CDH20: variants seen among roughly 807,000 people sequenced by gnomAD.
The protein encoded by CDH20 is cadherin-20.
Under a neutral mutation model 74.2 loss-of-function variants are expected in CDH20, and 29 were observed. The observed-to-expected ratio is 0.39, with a 90% CI of 0.29 to 0.53. The LOEUF is 0.53. CDH20 is among the 20% of genes least tolerant of loss of function. CDH20 has a pLI of 0.69. For synonymous variants in CDH20, 469 were observed against 405.4 expected (o/e 1.16, Z -1.88); for missense variants, 988 against 1,048.3 (o/e 0.94, Z 0.79).
At chr18:61,360,499 G>T (rs1187333161) in intron 1 of CDH20, among the ~76,000 whole-genome samples, 2 of 152,160 alleles carry the variant, frequency 1.3e-5, no homozygotes, top group Non-Finnish European at 2.9e-5. Context: ...CCCATGTTAA[G>T]TGTGTAAAGG....
At chr18:61,481,611 T>G (rs992036867) in intron 1 of CDH20, among the ~76,000 whole-genome samples, 1 of 152,252 alleles carries the variant, frequency 6.6e-6, no homozygotes, top group Admixed American at 6.5e-5. Context: ...AGGCAAATTT[T>G]TCTTTTTCTT....
intron 1 of CDH20, among the ~76,000 whole-genome samples, chr18:61,450,230 A>G (rs1262694581): frequency 6.6e-6 from 1 of 151,956 alleles, no homozygotes; most frequent in African/African-American, 2.4e-5. Flanking sequence ...AGAACATTTA[A>G]ATAACTGGTT....
In CDH20 at chr18:61,431,580, G is replaced by A. The variant is rs572193230; in HGVS notation, c.-152-58822G>A. On this transcript the variant is annotated intron_variant, in intron 1 of 11. Transcript: ENST00000262717. ...TCTGTAACATCCTTGCAACTTTTCT[G>A]TAAATCTAAAATGAAAAGTGCATAT... 1.9e-3 allele frequency among the ~76,000 whole-genome samples: 287 copies of A among 152,176 alleles called. 1 individual carries two copies. The highest frequency in any genetic ancestry group is 6.4e-3 in the African/African-American group (265 of 41,538).
intron 9 of CDH20, among the ~76,000 whole-genome samples, chr18:61,541,041 G>A (rs1599157918): frequency 6.6e-6 from 1 of 152,066 alleles, no homozygotes; most frequent in African/African-American, 2.4e-5. Context: ...GACCTGAAAT[G>A]TTATGCAGCC....
At chr18:61,425,018 C>T (rs1012644413) in intron 1 of CDH20, among the ~76,000 whole-genome samples, 1 of 139,060 alleles carries the variant, frequency 7.2e-6, no homozygotes, top group Non-Finnish European at 1.6e-5. Context: ...GTTCCTCTCC[C>T]TCTCTCTCCC....
intron 1 of CDH20, among the ~76,000 whole-genome samples, chr18:61,407,018 C>A (rs957086556): frequency 6.6e-6 from 1 of 152,188 alleles, no homozygotes; most frequent in African/African-American, 2.4e-5. Flanking sequence ...GTGGTACATA[C>A]TTGCCATCAA....
intron 1 of CDH20, among the ~76,000 whole-genome samples, chr18:61,470,737 T>C (rs558011116): frequency 1.3e-4 from 20 of 152,312 alleles, no homozygotes; most frequent in African/African-American, 4.1e-4. Context: ...TGATATAATA[T>C]GGGTATATAC....
At chr18:61,461,637 G>A (rs570525537) in intron 1 of CDH20, among the ~76,000 whole-genome samples, 165 of 152,212 alleles carry the variant, frequency 1.1e-3, no homozygotes, top group African/African-American at 3.8e-3. Context: ...CAAATAATTG[G>A]ACAAAATGCA....
At chr18:61,518,385 C>A (rs1195366144) in intron 6 of CDH20, among the ~76,000 whole-genome samples, 1 of 152,168 alleles carries the variant, frequency 6.6e-6, no homozygotes, top group Non-Finnish European at 1.5e-5. Context: ...TGGCATCCAG[C>A]AGGTGCCCCT....
intron 1 of CDH20, among the ~76,000 whole-genome samples, chr18:61,470,736 A>G (rs1360208361): frequency 2.6e-5 from 4 of 152,322 alleles, no homozygotes; most frequent in African/African-American, 9.6e-5. Context: ...CTGATATAAT[A>G]TGGGTATATA....
chr18:61,409,191 T>TA (rs1912419312), intron 1 of CDH20, among the ~76,000 whole-genome samples: 1 of 152,232 alleles, frequency 6.6e-6, no homozygotes, highest in African/African-American at 2.4e-5. Flanking sequence ...TTTTCATTAA[T>TA]ACATGATTTT....
intron 1 of CDH20, among the ~76,000 whole-genome samples, chr18:61,334,965 T>A (rs1909709186): frequency 6.6e-6 from 1 of 152,156 alleles, no homozygotes; most frequent in African/African-American, 2.4e-5. Context: ...CTCCAGTCTC[T>A]GATGTGTGTC....
intron 6 of CDH20, among the ~76,000 whole-genome samples, chr18:61,518,722 G>T (rs1912091201): frequency 6.6e-6 from 1 of 151,176 alleles, no homozygotes; most frequent in African/African-American, 2.5e-5. Flanking sequence ...TTCTCCAAAG[G>T]ATCACAACTC....
intron 1 of CDH20, among the ~76,000 whole-genome samples, chr18:61,450,412 A>G (rs1010283664): frequency 1.3e-5 from 2 of 151,222 alleles, no homozygotes; most frequent in African/African-American, 2.4e-5. Flanking sequence ...AAAACTTTTT[A>G]CTTTTTACCA....
rs752583729 is a variant in CDH20 at position 61,490,514 on chromosome 18, C to T, written c.-40C>T. ...TTGGAAAATACTCAAGTTCCAGTTG[C>T]TTATCATTCTCCTTCATTTTCTGAA... On this transcript the variant is annotated 5_prime_UTR_variant, in exon 2 of 12. Coordinates refer to ENST00000262717, the MANE Select transcript of CDH20 (RefSeq NM_031891.4). 1.9e-6 allele frequency: 3 copies of T among 1,596,972 alleles called. No individual in the cohort carries two copies. The highest frequency in any genetic ancestry group is 2.6e-6 in the Non-Finnish European group (3 of 1,166,764).
At chr18:61,380,948 T>C (rs1568118203) in intron 1 of CDH20, among the ~76,000 whole-genome samples, 1 of 152,232 alleles carries the variant, frequency 6.6e-6, no homozygotes, top group Non-Finnish European at 1.5e-5. Context: ...AGAAAGCATA[T>C]AGCCATACTT....
In CDH20 at chr18:61,555,170, A is replaced by G. The variant is rs553239368; in HGVS notation, c.*475A>G. On this transcript the variant is annotated 3_prime_UTR_variant, in exon 12 of 12. Transcript: ENST00000262717. ...CACAGAAACCAACCCACAAGAAAGA[A>G]CAAAAAACTTGTTACTCAGTGAAAT... 25 of 990,156 alleles carry G rather than the reference A, an allele frequency of 2.5e-5. No individual in the cohort carries two copies. In the African/African-American group the frequency reaches 3.8e-4, roughly 15 times the overall value. The allele number at this position is 990,156 out of a possible 1,614,324, so 61.3% of individuals were successfully genotyped here. A position where few individuals can be genotyped will look rare whatever the true frequency, so the allele number is the denominator to read the frequency against.
rs114636883 is a variant in CDH20, at chr18:61,362,399, C to G, written c.-153+28572C>G. ...GTCTCCTGGCCCAATGTCCTTTCCA[C>G]TTGTCAGCACTTTCATGAATTTATT... On this transcript the variant is annotated intron_variant, in intron 1 of 11. Coordinates refer to ENST00000262717, the MANE Select transcript of CDH20 (RefSeq NM_031891.4). Among the ~76,000 whole-genome samples, 1,013 of 152,274 alleles carry G rather than the reference C, an allele frequency of 6.7e-3. 13 individuals are homozygous for G. The highest frequency in any genetic ancestry group is 0.023 in the African/African-American group (955 of 41,552).
intron 1 of CDH20, among the ~76,000 whole-genome samples, chr18:61,432,244 CAAAAAAAAAAAA>C: frequency 1.2e-5 from 1 of 81,766 alleles, no homozygotes; most frequent in African/African-American, 4.2e-5. Flanking sequence ...AACTCTATCT[CAAAAAAAAAAAA>C]AAAAAAAACA....
Sources: gnomAD v4.1 joint callset for allele counts (sites outside exome capture counted in the v4.1 genomes callset) on GRCh38, gnomAD v4.1.1 for gene constraint, MANE v1.5 for transcripts, NCBI Gene and HGNC (gene_info 2026-07-23, HGNC 2026-07-21) for gene names.